Variants in ATAD1 observed in about 807,000 individuals in gnomAD.
ATAD1 encodes the protein outer mitochondrial transmembrane helix translocase.
A neutral mutation model predicts 42.7 loss-of-function variants in ATAD1; 18 were observed. That is an observed-to-expected ratio of 0.42 (90% CI 0.29 to 0.63). ATAD1 has a LOEUF of 0.63. Ranked by LOEUF, ATAD1 falls within the 20% of genes least tolerant of loss-of-function variation. ATAD1 has a pLI of 0.19. For synonymous variants in ATAD1, 132 were observed against 143.1 expected (o/e 0.92, Z 0.55); for missense variants, 294 against 440.4 (o/e 0.67, Z 2.98).
At chr10:87,797,569 G>A (rs1856457910) in intron 2 of ATAD1, among the ~76,000 whole-genome samples, 1 of 152,144 alleles carries the variant, frequency 6.6e-6, no homozygotes, top group African/African-American at 2.4e-5. Context: ...CAAGAGTCAT[G>A]GGCAGAGTCT....
chr10:87,757,404 C>T (rs1854275815), intron 8 of ATAD1, among the ~76,000 whole-genome samples: 3 of 152,238 alleles, frequency 2.0e-5, no homozygotes, highest in Non-Finnish European at 4.4e-5. Context: ...AATTAAGTGA[C>T]TGTCCTAGCC....
intron 1 of ATAD1, among the ~76,000 whole-genome samples, chr10:87,826,221 A>G (rs1857726985): frequency 6.6e-6 from 1 of 152,260 alleles, no homozygotes; most frequent in Non-Finnish European, 1.5e-5. Context: ...TTATAGAAGC[A>G]CAGGAAACTA....
chr10:87,810,844 G>A (rs961753727), intron 2 of ATAD1, among the ~76,000 whole-genome samples: 3 of 152,066 alleles, frequency 2.0e-5, no homozygotes, highest in Admixed American at 2.0e-4. Flanking sequence ...ATTTATAGGA[G>A]TATCATCTAT....
At chr10:87,772,035 G>C (rs954835502) in intron 6 of ATAD1, among the ~76,000 whole-genome samples, 1 of 152,070 alleles carries the variant, frequency 6.6e-6, no homozygotes, top group Admixed American at 6.6e-5. Flanking sequence ...AGGAGCCTCA[G>C]AGCCCAATTA....
intron 1 of ATAD1, among the ~76,000 whole-genome samples, chr10:87,816,925 T>C (rs1857442631): frequency 6.6e-6 from 1 of 152,214 alleles, no homozygotes; most frequent in African/African-American, 2.4e-5. Context: ...ATCTACTGGA[T>C]ATTCATTGAA....
intron 2 of ATAD1, among the ~76,000 whole-genome samples, chr10:87,807,993 TTGTA>T (rs1273487407): frequency 1.3e-5 from 2 of 152,176 alleles, no homozygotes; most frequent in Non-Finnish European, 2.9e-5. Context: ...TATGAATGTG[TTGTA>T]TGTCTTATGT....
intron 1 of ATAD1, among the ~76,000 whole-genome samples, chr10:87,836,969 T>C (rs1857942098): frequency 6.6e-6 from 1 of 152,234 alleles, no homozygotes; most frequent in Admixed American, 6.5e-5. Flanking sequence ...ATTGAACCTA[T>C]ACAATTAGTT....
chr10:87,835,202 A>G (rs1857909193), intron 1 of ATAD1, among the ~76,000 whole-genome samples: 1 of 151,992 alleles, frequency 6.6e-6, no homozygotes. Flanking sequence ...GTATTCTGCT[A>G]TTGTTGGGTG....
intron 3 of ATAD1, among the ~76,000 whole-genome samples, chr10:87,790,651 G>A (rs1413947990): frequency 6.6e-6 from 1 of 152,114 alleles, no homozygotes; most frequent in Non-Finnish European, 1.5e-5. Flanking sequence ...TTAAAAATCT[G>A]TAAGTCAGGT....
At chr10:87,781,206 A>C (rs753078384) in intron 5 of ATAD1, among the ~76,000 whole-genome samples, 7 of 152,202 alleles carry the variant, frequency 4.6e-5, no homozygotes, top group African/African-American at 7.2e-5. Flanking sequence ...AACATAAAGT[A>C]AAATTAGAAT....
upstream of ATAD1, among the ~76,000 whole-genome samples, chr10:87,820,978 G>T (rs1351650610): frequency 6.6e-6 from 1 of 152,168 alleles, no homozygotes; most frequent in Non-Finnish European, 1.5e-5. Flanking sequence ...CAGGAAATTA[G>T]AGCAGACTGT....
chr10:87,796,642 G>C (rs535609673), intron 2 of ATAD1, among the ~76,000 whole-genome samples: 1 of 152,248 alleles, frequency 6.6e-6, no homozygotes, highest in African/African-American at 2.4e-5. Flanking sequence ...CTCAACCTTG[G>C]CAAAATAAAC....
intron 8 of ATAD1, 84 bp downstream of exon 8, chr10:87,767,589 A>T (rs1854820170): frequency 1.0e-5 from 13 of 1,272,414 alleles, no homozygotes; most frequent in Non-Finnish European, 1.5e-5. Context: ...TATCATTCTC[A>T]GATTCCTTCC....
At chr10:87,836,725 A>AT (rs1857936590) in intron 1 of ATAD1, among the ~76,000 whole-genome samples, 1 of 152,156 alleles carries the variant, frequency 6.6e-6, no homozygotes, top group Admixed American at 6.5e-5. Context: ...TTTTTACCAA[A>AT]TTTAAGAAAT....
intron 1 of ATAD1, among the ~76,000 whole-genome samples, chr10:87,836,056 G>A (rs1162957715): frequency 1.3e-5 from 2 of 152,086 alleles, no homozygotes; most frequent in African/African-American, 4.8e-5. Flanking sequence ...GAACTTAAGA[G>A]GTGAATTGTT....
intron 2 of ATAD1, among the ~76,000 whole-genome samples, chr10:87,795,438 A>G (rs557534526): frequency 1.3e-4 from 19 of 148,088 alleles, no homozygotes; most frequent in Non-Finnish European, 2.1e-4. Context: ...AATGAAAGTT[A>G]TATTTTCTGA....
At chr10:87,783,875 G>A (rs1165234134) in intron 5 of ATAD1, among the ~76,000 whole-genome samples, 1 of 150,926 alleles carries the variant, frequency 6.6e-6, no homozygotes, top group Non-Finnish European at 1.5e-5. Flanking sequence ...GATACAAAAC[G>A]TATAAACCAC....
In ATAD1 at chr10:87,752,705, T is replaced by C. The variant is rs1343406181; in HGVS notation, c.*1982A>G. On this transcript the variant is annotated 3_prime_UTR_variant, in exon 10 of 10. Transcript: ENST00000680024. ...GATAGATGTTACATAACACTAAAAG[T>C]TATTTAAAAATCAGGAAAATAGTTT... The C allele has an allele frequency of 6.6e-6, 1 of 152,128 alleles. No individual in the cohort carries two copies. The highest frequency in any genetic ancestry group is 1.5e-5 in the Non-Finnish European group (1 of 68,018). 9.4% of individuals were successfully genotyped at this position (152,128 alleles called of 1,614,324 possible).
chr10:87,787,554 A>T (rs1855896444), intron 4 of ATAD1, among the ~76,000 whole-genome samples: 1 of 152,194 alleles, frequency 6.6e-6, no homozygotes, highest in Non-Finnish European at 1.5e-5. Flanking sequence ...AGGAGGCTGC[A>T]GCAGTGGGCT....
Sources: gnomAD v4.1 joint callset for allele counts (sites outside exome capture counted in the v4.1 genomes callset) on GRCh38, gnomAD v4.1.1 for gene constraint, MANE v1.5 for transcripts, NCBI Gene and HGNC (gene_info 2026-07-23, HGNC 2026-07-21) for gene names.